The following EYS variants were observed in gnomAD, a reference collection of about 807,000 sequenced individuals.
The protein encoded by EYS is protein eyes shut homolog.
A neutral mutation model predicts 282.1 loss-of-function variants in EYS; 250 were observed. The ratio of observed to expected loss-of-function variants is 0.89; its 90% CI spans 0.80 to 0.98. The LOEUF is 0.98. EYS is among the 50% of genes least tolerant of loss of function. The pLI is 0.00. For synonymous variants in EYS, 1,355 were observed against 1,282.9 expected, an observed-to-expected ratio of 1.06 and a Z score of -1.20; for missense variants, 4,016 against 3,709.0, an observed-to-expected ratio of 1.08 and a Z score of -2.15.
chr6:65,426,107 T>G (rs1767650862), intron 5 of EYS, among the ~76,000 whole-genome samples: 2 of 152,068 alleles, frequency 1.3e-5, no homozygotes, highest in Admixed American at 6.6e-5. Context: ...CAAAAGTATC[T>G]AAGACTAGAG....
chr6:64,747,244 A>T, intron 22 of EYS, among the ~76,000 whole-genome samples: 1 of 152,206 alleles, frequency 6.6e-6, no homozygotes, highest in East Asian at 1.9e-4. Flanking sequence ...TTTCCAGAGA[A>T]GGCTTTCCCA....
At chr6:64,536,291 A>G (rs1764516692) in intron 26 of EYS, among the ~76,000 whole-genome samples, 1 of 152,178 alleles carries the variant, frequency 6.6e-6, no homozygotes, top group South Asian at 2.1e-4. Context: ...CAAGTAAAAC[A>G]AATGGAACAA....
intron 35 of EYS, among the ~76,000 whole-genome samples, chr6:63,885,042 A>G (rs1251646121): frequency 6.6e-6 from 1 of 152,170 alleles, no homozygotes; most frequent in Admixed American, 6.5e-5. Context: ...GCTAAATTAC[A>G]TGGCAAAATT....
At chr6:65,538,014 C>T (rs560054444) in intron 2 of EYS, among the ~76,000 whole-genome samples, 1 of 152,268 alleles carries the variant, frequency 6.6e-6, no homozygotes, top group East Asian at 1.9e-4. Flanking sequence ...GGGAAAGTTA[C>T]TTACACCTTT....
intron 35 of EYS, among the ~76,000 whole-genome samples, chr6:63,895,746 C>T (rs965834346): frequency 6.6e-5 from 10 of 152,276 alleles, no homozygotes; most frequent in African/African-American, 2.4e-4. Flanking sequence ...GCACTTAATT[C>T]TTCCTTCAGT....
intron 26 of EYS, among the ~76,000 whole-genome samples, chr6:64,570,979 T>C (rs1274622398): frequency 6.6e-6 from 1 of 152,154 alleles, no homozygotes; most frequent in Non-Finnish European, 1.5e-5. Context: ...GAATATACAT[T>C]CTTCTCACTC....
At position 65,495,154 on chromosome 6, in the gene EYS, T is replaced by A; in HGVS notation, c.257A>T (p.Asp86Val). ...TGGTTCAGAAGAAATTACAAGGATATCTCCTAATTGAATTTGCAAAGGGCA... is the reference window on the plus strand; with the variant it reads ...TGGTTCAGAAGAAATTACAAGGATAACTCCTAATTGAATTTGCAAAGGGCA... ...QICPLQIQLGDILVISSEPSL... is the reference protein window; with the variant it reads ...QICPLQIQLGVILVISSEPSL... Residue 86 changes from aspartate to valine, a missense_variant, in exon 4 of 43, where the codon GAT becomes GTT. Asp to Val is a radical substitution (Grantham distance 152). Transcript: ENST00000503581. 6.2e-7 allele frequency: 1 copy of A among 1,613,998 alleles called. No homozygotes were observed. The highest frequency in any genetic ancestry group is 1.1e-5 in the South Asian group (1 of 91,076).
intron 30 of EYS, among the ~76,000 whole-genome samples, chr6:64,231,087 T>C (rs1766413747): frequency 1.3e-5 from 2 of 152,176 alleles, no homozygotes; most frequent in South Asian, 4.1e-4. Context: ...AGTTGTTTTA[T>C]GGAAAAAACA....
intron 19 of EYS, among the ~76,000 whole-genome samples, chr6:64,832,204 A>C (rs552260832): frequency 2.8e-4 from 42 of 152,104 alleles, no homozygotes; most frequent in South Asian, 8.3e-4. Flanking sequence ...ATACGCATGT[A>C]CATGGCTATA....
Position 64,307,070 on chromosome 6 carries a change from C to A in EYS, c.6091G>T (p.Val2031Phe). Reference sequence around the variant, plus strand: ...TCTATGCAGCCAGTAAAATTCTTGACTGGTACAGGCATCTGAGAGAGAGAG... The same window carrying A: ...TCTATGCAGCCAGTAAAATTCTTGAATGGTACAGGCATCTGAGAGAGAGAG... Reference protein sequence around the residue: ...LHGKIQMPVPVKNFTGCIEVI... With the variant: ...LHGKIQMPVPFKNFTGCIEVI... Residue 2031 changes from valine (V) to phenylalanine (F), a missense_variant, in exon 30 of 43, where the codon GTC becomes TTC. By Grantham distance (50) the Val-to-Phe change is conservative (BLOSUM62 -1). Transcript: ENST00000503581. 1 of 1,439,536 alleles carries A rather than the reference C, an allele frequency of 6.9e-7. No homozygotes were observed. Among genetic ancestry groups the A allele is most frequent in the South Asian group, 1.2e-5 (1 of 81,146 alleles). The allele number at this position is 1,439,536 out of a possible 1,614,324, so 89.2% of individuals were successfully genotyped here. A position where few individuals can be genotyped will look rare whatever the true frequency, so the allele number is the denominator to read the frequency against.
intron 26 of EYS, among the ~76,000 whole-genome samples, chr6:64,475,657 T>G (rs761625732): frequency 6.6e-6 from 1 of 152,202 alleles, no homozygotes; most frequent in Non-Finnish European, 1.5e-5. Context: ...CATGATTGTG[T>G]CCTCGGCCCA....
chr6:64,982,525 CT>C (rs2150117466), intron 14 of EYS, among the ~76,000 whole-genome samples: 1 of 150,968 alleles, frequency 6.6e-6, no homozygotes, highest in African/African-American at 2.4e-5. Flanking sequence ...TGAACAAAAC[CT>C]TGTATTGAAA....
intron 28 of EYS, among the ~76,000 whole-genome samples, chr6:64,392,011 C>G (rs372132483): frequency 0.02 from 2,973 of 150,720 alleles, 94 homozygotes; most frequent in African/African-American, 0.068. Context: ...AACCAACAAA[C>G]ATCAAAAGAG....
chr6:64,003,062 G>A (rs567864088), intron 33 of EYS, among the ~76,000 whole-genome samples: 7 of 152,238 alleles, frequency 4.6e-5, no homozygotes, highest in African/African-American at 1.7e-4. Context: ...TAACCTAAGT[G>A]TTCATCAATA....
intron 26 of EYS, among the ~76,000 whole-genome samples, chr6:64,566,719 G>A (rs924120754): frequency 6.6e-6 from 1 of 151,972 alleles, no homozygotes; most frequent in African/African-American, 2.4e-5. Context: ...AACATGTAGG[G>A]AAATTACAAA....
intron 1 of EYS, among the ~76,000 whole-genome samples, chr6:65,665,268 T>C (rs773702482): frequency 5.3e-5 from 8 of 152,188 alleles, no homozygotes; most frequent in East Asian, 1.9e-4. Flanking sequence ...ATTTGTGCTA[T>C]GAGATGTTCT....
intron 2 of EYS, among the ~76,000 whole-genome samples, chr6:65,544,001 A>AGTGTGTGTGTGTGTGTGTGTGTGTGT (rs751872447): frequency 6.9e-6 from 1 of 144,976 alleles, no homozygotes; most frequent in Admixed American, 6.9e-5. Context: ...AAAAAGAGAA[A>AGTGTGTGTGTGTGTGTGTGTGTGTGT]GTGTGTGTGT....
chr6:64,878,124 T>C (rs1766807654), intron 19 of EYS, among the ~76,000 whole-genome samples: 1 of 151,986 alleles, frequency 6.6e-6, no homozygotes, highest in South Asian at 2.1e-4. Flanking sequence ...TCCCAGCTAC[T>C]TGGGAGGCTG....
intron 12 of EYS, among the ~76,000 whole-genome samples, chr6:65,176,428 T>C (rs1007097138): frequency 3.3e-5 from 5 of 151,684 alleles, no homozygotes; most frequent in Non-Finnish European, 7.4e-5. Context: ...CAAGATAATT[T>C]AGTGAATAGT....
Sources: allele counts gnomAD v4.1 joint callset (sites outside exome capture counted in the v4.1 genomes callset), GRCh38; gene constraint gnomAD v4.1.1; transcripts MANE v1.5; gene names NCBI Gene and HGNC (gene_info 2026-07-23, HGNC 2026-07-21).